PTPRD: variants seen among roughly 807,000 people sequenced by gnomAD.
PTPRD encodes the protein receptor-type tyrosine-protein phosphatase delta.
A neutral mutation model predicts 214.5 loss-of-function variants in PTPRD; 34 were observed. The observed-to-expected ratio is 0.16, with a 90% CI of 0.12 to 0.21. The LOEUF is 0.21. Among genes scored for constraint, PTPRD ranks in the 10% least tolerant of loss-of-function variants. The pLI is 1.00. For missense variants in PTPRD, 2,545 were observed against 2,398.7 expected (o/e 1.06, Z -1.27); for synonymous variants, 1,128 against 845.7 (o/e 1.33, Z -5.79).
chr9:8,634,485 G>A (rs958502505), intron 13 of PTPRD, among the ~76,000 whole-genome samples: 1 of 151,972 alleles, frequency 6.6e-6, no homozygotes, highest in Non-Finnish European at 1.5e-5. Flanking sequence ...AACACAGAGA[G>A]GAAGGACATT....
intron 11 of PTPRD, among the ~76,000 whole-genome samples, chr9:8,936,889 A>G (rs2099001546): frequency 6.6e-6 from 1 of 152,206 alleles, no homozygotes; most frequent in African/African-American, 2.4e-5. Flanking sequence ...ATGCAATAGA[A>G]AAATAATAAT....
intron 6 of PTPRD, among the ~76,000 whole-genome samples, chr9:9,756,557 G>A (rs761134980): frequency 1.1e-4 from 16 of 152,110 alleles, no homozygotes; most frequent in African/African-American, 2.2e-4. Flanking sequence ...TTCAAGTGGA[G>A]CAGATAGGGG....
chr9:8,557,366 C>G (rs1475938289), intron 14 of PTPRD, among the ~76,000 whole-genome samples: 1 of 150,848 alleles, frequency 6.6e-6, no homozygotes, highest in African/African-American at 2.5e-5. Flanking sequence ...AAAATGATAC[C>G]TATTCTAGTC....
In PTPRD at chr9:10,168,627, T is replaced by C. The variant is rs1409883552; in HGVS notation, c.-544-134837A>G. Among the ~76,000 whole-genome samples the C allele has an allele frequency of 2.6e-5, 4 of 152,208 alleles. 1 individual carries two copies. The highest frequency in any genetic ancestry group is 2.6e-4 in the Admixed American group (4 of 15,272). On this transcript the variant is annotated intron_variant, in intron 3 of 45. Transcript: ENST00000381196. The stretch of plus-strand genomic sequence containing the variant: ...CCATATTTAAAAAAGAAAGAAAATG[T>C]TTTAATCTTTCATTTTCCAATATAA...
intron 11 of PTPRD, among the ~76,000 whole-genome samples, chr9:8,931,369 G>T (rs1006091194): frequency 1.3e-5 from 2 of 152,052 alleles, no homozygotes; most frequent in African/African-American, 4.8e-5. Flanking sequence ...CTCTAGCCTT[G>T]TAGTATAGTT....
chr9:10,499,190 T>G (rs1032641155), intron 2 of PTPRD, among the ~76,000 whole-genome samples: 1 of 151,958 alleles, frequency 6.6e-6, no homozygotes, highest in African/African-American at 2.4e-5. Flanking sequence ...CCACTAGATT[T>G]ATCCTTCTGT....
chr9:9,190,202 G>A (rs771312669), intron 9 of PTPRD, among the ~76,000 whole-genome samples: 24 of 152,032 alleles, frequency 1.6e-4, no homozygotes, highest in Admixed American at 1.5e-3. Flanking sequence ...AATTGTGGGA[G>A]TTGGTTAGTT....
At chr9:9,012,678 T>C (rs1244942182) in intron 11 of PTPRD, among the ~76,000 whole-genome samples, 1 of 152,132 alleles carries the variant, frequency 6.6e-6, no homozygotes, top group Non-Finnish European at 1.5e-5. Flanking sequence ...AGTATTGAAA[T>C]TTTTTTATCA....
At chr9:8,321,487 G>GTGTGTGTATA (rs1168847469) in intron 44 of PTPRD, among the ~76,000 whole-genome samples, 4 of 44,538 alleles carry the variant, frequency 9.0e-5, no homozygotes, top group Non-Finnish European at 1.5e-4. Flanking sequence ...GTGTGTGTGT[G>GTGTGTGTATA]TATATATATA....
chr9:8,602,681 T>G (rs1037443290), intron 14 of PTPRD, among the ~76,000 whole-genome samples: 1 of 152,186 alleles, frequency 6.6e-6, no homozygotes, highest in Non-Finnish European at 1.5e-5. Flanking sequence ...GACTGTCAAC[T>G]TGAATGAACT....
At chr9:9,550,518 G>A (rs907906604) in intron 8 of PTPRD, among the ~76,000 whole-genome samples, 18 of 148,184 alleles carry the variant, frequency 1.2e-4, no homozygotes, top group Admixed American at 2.7e-4. Flanking sequence ...AATATATTAT[G>A]TATAGTATTA....
intron 10 of PTPRD, among the ~76,000 whole-genome samples, chr9:9,038,016 A>G (rs1410582857): frequency 6.6e-6 from 1 of 152,226 alleles, no homozygotes; most frequent in Non-Finnish European, 1.5e-5. Context: ...TGGGTAGAAG[A>G]GTGAAATTAA....
At chr9:10,056,780 C>A (rs904823588) in intron 3 of PTPRD, among the ~76,000 whole-genome samples, 1 of 152,108 alleles carries the variant, frequency 6.6e-6, no homozygotes, top group Non-Finnish European at 1.5e-5. Context: ...TGGGTTATAT[C>A]ATGGGAATAA....
chr9:8,940,267 C>A (rs2099023239), intron 11 of PTPRD, among the ~76,000 whole-genome samples: 1 of 90,002 alleles, frequency 1.1e-5, no homozygotes. Flanking sequence ...ACACATCTCT[C>A]TCTCTCTCTC....
chr9:9,418,823 G>A (rs1273326750), intron 8 of PTPRD, among the ~76,000 whole-genome samples: 1 of 151,832 alleles, frequency 6.6e-6, no homozygotes, highest in Non-Finnish European at 1.5e-5. Flanking sequence ...GAACCAGACT[G>A]GTTTAAGAGT....
At chr9:9,236,715 T>A (rs2099966971) in intron 9 of PTPRD, among the ~76,000 whole-genome samples, 1 of 151,876 alleles carries the variant, frequency 6.6e-6, no homozygotes, top group African/African-American at 2.4e-5. Flanking sequence ...TTTGTCACAT[T>A]TTTAACACTC....
At chr9:9,529,972 C>A (rs2075092582) in intron 8 of PTPRD, among the ~76,000 whole-genome samples, 1 of 151,720 alleles carries the variant, frequency 6.6e-6, no homozygotes, top group Non-Finnish European at 1.5e-5. Flanking sequence ...AAAATTAAAA[C>A]ACAACATACC....
chr9:10,560,652 T>A (rs563997877), intron 2 of PTPRD, among the ~76,000 whole-genome samples: 4 of 152,266 alleles, frequency 2.6e-5, no homozygotes, highest in African/African-American at 9.6e-5. Context: ...TCTACACACA[T>A]GCAAAACTCA....
chr9:9,908,313 G>T (rs1329923236), intron 5 of PTPRD, among the ~76,000 whole-genome samples: 2 of 151,898 alleles, frequency 1.3e-5, no homozygotes, highest in African/African-American at 4.8e-5. Context: ...TCAATAGCTG[G>T]TATAAAGGGG....
Sources: allele counts gnomAD v4.1 joint callset (sites outside exome capture counted in the v4.1 genomes callset), GRCh38; gene constraint gnomAD v4.1.1; transcripts MANE v1.5; gene names NCBI Gene and HGNC (gene_info 2026-07-23, HGNC 2026-07-21).